The following FSHR variants were observed in gnomAD, a reference collection of about 807,000 sequenced individuals.
FSHR encodes the protein follicle stimulating hormone receptor.
Under a neutral mutation model 52.1 loss-of-function variants are expected in FSHR, and 46 were observed. That is an observed-to-expected ratio of 0.88 (90% CI 0.70 to 1.13). FSHR has a LOEUF of 1.13. FSHR is among the 50% of genes most tolerant of loss of function. The pLI is 0.00. For missense variants in FSHR, 964 were observed against 834.6 expected, an observed-to-expected ratio of 1.16 and a Z score of -1.91; for synonymous variants, 399 against 309.6, an observed-to-expected ratio of 1.29 and a Z score of -3.03.
chr2:48,987,781 G>A (rs536685251), intron 6 of FSHR, among the ~76,000 whole-genome samples: 1 of 150,354 alleles, frequency 6.7e-6, no homozygotes, highest in South Asian at 2.1e-4. Flanking sequence ...TCGCGTTTTA[G>A]TTTATTCCTT....
Position 49,073,150 on chromosome 2 carries a change from C to T in FSHR, c.153-4860G>A, listed in dbSNP as rs551655046. The stretch of plus-strand genomic sequence containing the variant: ...ACATTTCCCTCTGAGAACTAGAACA[C>T]GACAAGGATGCCCACTCTTACCACT... On this transcript the variant is annotated intron_variant, in intron 1 of 9. Coordinates refer to ENST00000406846, the MANE Select transcript of FSHR (RefSeq NM_000145.4). Among the ~76,000 whole-genome samples, 22 of 152,038 alleles carry T rather than the reference C, an allele frequency of 1.4e-4. No individual in the cohort carries two copies. In the East Asian group the frequency reaches 2.1e-3, roughly 15 times the overall value.
At chr2:48,988,850 T>C (rs1675635229) in intron 6 of FSHR, 127 bp downstream of exon 6, 2 of 741,998 alleles carry the variant, frequency 2.7e-6, no homozygotes, top group African/African-American at 3.5e-5. Context: ...AACGCAGAAC[T>C]GGAGAGTGAT....
intron 1 of FSHR, among the ~76,000 whole-genome samples, chr2:49,127,844 C>CTTT (rs1672099235): frequency 4.8e-5 from 1 of 20,992 alleles, no homozygotes; most frequent in Non-Finnish European, 7.3e-5. Flanking sequence ...TCTTCTTCTT[C>CTTT]TTCTTCTTCT....
chr2:49,118,621 C>T (rs1671689515), intron 1 of FSHR, among the ~76,000 whole-genome samples: 1 of 152,132 alleles, frequency 6.6e-6, no homozygotes, highest in Non-Finnish European at 1.5e-5. Context: ...CCCTGAAAAC[C>T]AGGATGTGGG....
intron 6 of FSHR, 85 bp from the exon 7 acceptor site, chr2:48,983,251 C>G: frequency 8.1e-7 from 1 of 1,232,180 alleles, no homozygotes; most frequent in Admixed American, 1.8e-5. Flanking sequence ...TGAGCAAGGG[C>G]AGACAGCACA....
intron 2 of FSHR, among the ~76,000 whole-genome samples, chr2:49,026,016 C>T (rs1263971518): frequency 6.6e-6 from 1 of 152,208 alleles, no homozygotes; most frequent in Admixed American, 6.5e-5. Context: ...CCTTTTACCT[C>T]CTCAGATGAC....
chr2:49,102,056 G>T (rs996465772), intron 1 of FSHR, among the ~76,000 whole-genome samples: 3 of 152,092 alleles, frequency 2.0e-5, no homozygotes, highest in Non-Finnish European at 4.4e-5. Context: ...TTTTGGAGGG[G>T]ACAGATATTC....
chr2:49,138,316 A>G (rs1328061201), intron 1 of FSHR, among the ~76,000 whole-genome samples: 2 of 152,188 alleles, frequency 1.3e-5, no homozygotes, highest in Non-Finnish European at 2.9e-5. Context: ...GTGATACCCT[A>G]AAGGATTAAA....
chr2:49,116,347 A>T (rs575636960), intron 1 of FSHR, among the ~76,000 whole-genome samples: 40 of 152,290 alleles, frequency 2.6e-4, no homozygotes, highest in Middle Eastern at 3.4e-3. Flanking sequence ...TAGGAGTTTG[A>T]AGGCTCTGAC....
At chr2:49,153,733 T>C (rs1673142819) in intron 1 of FSHR, among the ~76,000 whole-genome samples, 1 of 152,186 alleles carries the variant, frequency 6.6e-6, no homozygotes, top group Admixed American at 6.6e-5. Context: ...TCTTTCTTTC[T>C]TCACACCTTT....
chr2:49,054,715 C>T (rs1279340461), intron 2 of FSHR, among the ~76,000 whole-genome samples: 1 of 152,210 alleles, frequency 6.6e-6, no homozygotes, highest in Non-Finnish European at 1.5e-5. Flanking sequence ...AGTAAAGCCA[C>T]AGCACAACAA....
intron 1 of FSHR, among the ~76,000 whole-genome samples, chr2:49,136,830 G>T (rs1331932515): frequency 6.6e-6 from 1 of 151,940 alleles, no homozygotes; most frequent in East Asian, 1.9e-4. Context: ...TTCTTGGTAA[G>T]AATACTTAAC....
intron 1 of FSHR, among the ~76,000 whole-genome samples, chr2:49,112,811 C>A (rs1671468013): frequency 6.6e-6 from 1 of 152,104 alleles, no homozygotes; most frequent in African/African-American, 2.4e-5. Flanking sequence ...TTTTAAGTTG[C>A]ACCAAGATAT....
intron 2 of FSHR, among the ~76,000 whole-genome samples, chr2:49,029,945 A>G (rs1331552988): frequency 6.6e-6 from 1 of 152,214 alleles, no homozygotes; most frequent in Non-Finnish European, 1.5e-5. Flanking sequence ...GCAGTCCTCT[A>G]TGACAGCCAG....
At chr2:49,034,468 G>A (rs1484961352) in intron 2 of FSHR, among the ~76,000 whole-genome samples, 1 of 152,260 alleles carries the variant, frequency 6.6e-6, no homozygotes, top group East Asian at 1.9e-4. Flanking sequence ...CTGGCATCTA[G>A]TTTTAGTTTT....
Position 49,039,546 on chromosome 2 carries a change from A to T in FSHR, c.225-19386T>A, listed in dbSNP as rs1347815301. ...TTCTCATCAAAGTGTCTTCTTGGTG[A>T]TTTTTAAATTTTTATTCAGCAAGGC... On this transcript the variant is annotated intron_variant, in intron 2 of 9. Coordinates refer to ENST00000406846, the MANE Select transcript of FSHR (RefSeq NM_000145.4). Among the ~76,000 whole-genome samples, 3 of 152,140 alleles carry T rather than the reference A, an allele frequency of 2.0e-5. No individual in the cohort carries two copies. In the East Asian group the frequency reaches 5.8e-4, roughly 29 times the overall value.
chr2:49,024,499 G>A (rs985535096), intron 2 of FSHR, among the ~76,000 whole-genome samples: 21 of 152,100 alleles, frequency 1.4e-4, no homozygotes, highest in African/African-American at 4.8e-4. Context: ...ACTTGAACCT[G>A]GGAGGAGTTT....
chr2:49,020,013 C>T, intron 3 of FSHR, 73 bp downstream of exon 3: 1 of 1,303,890 alleles, frequency 7.7e-7, no homozygotes, highest in Non-Finnish European at 1.1e-6. Flanking sequence ...TCAGGGCCTC[C>T]CAGGAATGTA....
At chr2:48,999,595 C>G (rs547384196) in intron 4 of FSHR, among the ~76,000 whole-genome samples, 5 of 152,204 alleles carry the variant, frequency 3.3e-5, no homozygotes, top group Non-Finnish European at 7.4e-5. Context: ...GACTCCGTAA[C>G]CTCTAAGATG....
Sources: allele counts gnomAD v4.1 joint callset (sites outside exome capture counted in the v4.1 genomes callset), GRCh38; gene constraint gnomAD v4.1.1; transcripts MANE v1.5; gene names NCBI Gene and HGNC (gene_info 2026-07-23, HGNC 2026-07-21).